The following MACROD2 variants were observed in gnomAD, a reference collection of about 807,000 sequenced individuals.
MACROD2 encodes the protein mono-ADP ribosylhydrolase 2.
MACROD2 carries 36 observed loss-of-function variants against 70.4 expected under a neutral mutation model. That is an observed-to-expected ratio of 0.51 (90% CI 0.39 to 0.68). MACROD2 has a LOEUF of 0.68. Among genes scored for constraint, MACROD2 ranks in the 30% least tolerant of loss-of-function variants. The pLI is 0.00. For synonymous variants in MACROD2, 172 were observed against 178.8 expected (o/e 0.96, Z 0.30); for missense variants, 496 against 538.4 (o/e 0.92, Z 0.78).
intron 2 of MACROD2, among the ~76,000 whole-genome samples, chr20:14,068,369 A>T (rs2053794793): frequency 6.6e-6 from 1 of 151,980 alleles, no homozygotes; most frequent in Non-Finnish European, 1.5e-5. Context: ...GTGTAAGCTC[A>T]CCTGAGCAGG....
chr20:15,632,165 CAA>C (rs534511029), intron 8 of MACROD2, among the ~76,000 whole-genome samples: 1 of 135,428 alleles, frequency 7.4e-6, no homozygotes, highest in Non-Finnish European at 1.6e-5. Context: ...AACTCTTACT[CAA>C]AAAAAAAATA....
intron 4 of MACROD2, among the ~76,000 whole-genome samples, chr20:14,586,027 A>G (rs1056891531): frequency 6.6e-6 from 1 of 152,156 alleles, no homozygotes; most frequent in African/African-American, 2.4e-5. Context: ...ACTAAGTAGG[A>G]TACACTTGTG....
chr20:14,420,777 C>T (rs111513525), intron 3 of MACROD2, among the ~76,000 whole-genome samples: 5,180 of 152,218 alleles, frequency 0.034, 132 homozygotes, highest in Non-Finnish European at 0.051. Context: ...ACTGAAGCCT[C>T]AACTCCTAGG....
intron 5 of MACROD2, among the ~76,000 whole-genome samples, chr20:14,831,834 G>A (rs980527170): frequency 2.1e-5 from 3 of 140,000 alleles, no homozygotes; most frequent in Admixed American, 7.3e-5. Context: ...TCTGGCACAC[G>A]TTGTCCTGCC....
intron 4 of MACROD2, among the ~76,000 whole-genome samples, chr20:14,515,815 A>G (rs1327229664): frequency 6.6e-6 from 1 of 151,928 alleles, no homozygotes; most frequent in Non-Finnish European, 1.5e-5. Flanking sequence ...ATTATAAGGT[A>G]TTATGTATTT....
intron 10 of MACROD2, 98 bp from the exon 11 acceptor site, chr20:15,933,178 A>G (rs1188127901): frequency 8.4e-7 from 1 of 1,188,876 alleles, no homozygotes; most frequent in East Asian, 2.4e-5. Flanking sequence ...GTCATGCTAC[A>G]TTGGTTACAA....
chr20:15,373,628 C>A (rs1282741191), intron 6 of MACROD2, among the ~76,000 whole-genome samples: 1 of 152,148 alleles, frequency 6.6e-6, no homozygotes, highest in Non-Finnish European at 1.5e-5. Context: ...GTCTCAGACT[C>A]CTGGCTTCAA....
intron 4 of MACROD2, among the ~76,000 whole-genome samples, chr20:14,657,602 A>T (rs1986037975): frequency 6.6e-6 from 1 of 152,244 alleles, no homozygotes; most frequent in African/African-American, 2.4e-5. Flanking sequence ...TAATTAAATC[A>T]TTATCACAAG....
intron 6 of MACROD2, among the ~76,000 whole-genome samples, chr20:15,317,523 A>ATCTG (rs1555804056): frequency 0.045 from 6,718 of 149,264 alleles, 190 homozygotes; most frequent in Admixed American, 0.067. Flanking sequence ...CTATCTATCT[A>ATCTG]TCTGTCTATC....
chr20:15,255,489 G>GGAATTA (rs571396134), intron 6 of MACROD2, among the ~76,000 whole-genome samples: 5 of 152,070 alleles, frequency 3.3e-5, no homozygotes, highest in Non-Finnish European at 5.9e-5. Flanking sequence ...TCAAAATGAG[G>GGAATTA]GAATTAGGTT....
chr20:15,021,107 T>A (rs1260666017), intron 5 of MACROD2, among the ~76,000 whole-genome samples: 1 of 124,562 alleles, frequency 8.0e-6, no homozygotes, highest in Non-Finnish European at 1.7e-5. Context: ...TGTATACACG[T>A]GTATGTGTAT....
chr20:14,052,725 A>G (rs541389097), intron 2 of MACROD2, among the ~76,000 whole-genome samples: 1 of 152,196 alleles, frequency 6.6e-6, no homozygotes, highest in African/African-American at 2.4e-5. Context: ...ACCATATGTC[A>G]GGGAATTTCT....
At chr20:14,394,271 ATCT>A (rs2083558680) in intron 3 of MACROD2, among the ~76,000 whole-genome samples, 2 of 152,210 alleles carry the variant, frequency 1.3e-5, no homozygotes, top group South Asian at 2.1e-4. Context: ...ATATATTTAG[ATCT>A]TCTTTAATTT....
At chr20:15,460,049 G>A (rs1359493558) in intron 7 of MACROD2, among the ~76,000 whole-genome samples, 1 of 152,082 alleles carries the variant, frequency 6.6e-6, no homozygotes, top group Non-Finnish European at 1.5e-5. Flanking sequence ...TGGGCACATT[G>A]ATTCCCCTAG....
At chr20:15,571,394 C>G (rs1334280739) in intron 8 of MACROD2, among the ~76,000 whole-genome samples, 1 of 150,422 alleles carries the variant, frequency 6.6e-6, no homozygotes, top group African/African-American at 2.4e-5. Flanking sequence ...TAGATGTGTT[C>G]CTCTTGAAAA....
chr20:16,035,748 C>T (rs2067226122), intron 15 of MACROD2, among the ~76,000 whole-genome samples: 1 of 147,988 alleles, frequency 6.8e-6, no homozygotes. Flanking sequence ...ATATTAGGAT[C>T]AACTGCAACT....
chr20:15,215,724 T>C (rs1311677832), intron 5 of MACROD2, among the ~76,000 whole-genome samples: 1 of 151,960 alleles, frequency 6.6e-6, no homozygotes, highest in Admixed American at 6.6e-5. Context: ...AGAAAATAAT[T>C]ACATATGACA....
intron 5 of MACROD2, among the ~76,000 whole-genome samples, chr20:14,978,909 T>C (rs1183752378): frequency 7.4e-6 from 1 of 135,728 alleles, no homozygotes; most frequent in Non-Finnish European, 1.5e-5. Flanking sequence ...TAATATATTA[T>C]ATATAATATA....
At chr20:14,596,163 G>A (rs1032787357) in intron 4 of MACROD2, among the ~76,000 whole-genome samples, 1 of 151,640 alleles carries the variant, frequency 6.6e-6, no homozygotes, top group African/African-American at 2.4e-5. Context: ...TCGGCTCACT[G>A]CAAGCTCCGC....
Sources: allele counts gnomAD v4.1 joint callset (sites outside exome capture counted in the v4.1 genomes callset), GRCh38; gene constraint gnomAD v4.1.1; transcripts MANE v1.5; gene names NCBI Gene and HGNC (gene_info 2026-07-23, HGNC 2026-07-21).